MECOM: variants seen among roughly 807,000 people sequenced by gnomAD.
MECOM encodes histone-lysine N-methyltransferase MECOM.
MECOM carries 13 observed loss-of-function variants against 116.3 expected under a neutral mutation model. The observed-to-expected ratio is 0.11, with a 90% CI of 0.07 to 0.18. The LOEUF is 0.18. Among genes scored for constraint, MECOM ranks in the 10% least tolerant of loss-of-function variants. The pLI, the probability that MECOM is intolerant of heterozygous loss-of-function variation, is 1.00. For missense variants in MECOM, 1,299 were observed against 1,509.0 expected, an observed-to-expected ratio of 0.86 and a Z score of 2.31; for synonymous variants, 528 against 535.2, an observed-to-expected ratio of 0.99 and a Z score of 0.19.
intron 8 of MECOM, among the ~76,000 whole-genome samples, chr3:169,114,669 C>G (rs147167057): frequency 6.6e-6 from 1 of 151,590 alleles, no homozygotes; most frequent in Non-Finnish European, 1.5e-5. Context: ...TTATTCATAC[C>G]CATTTAAAGA....
At chr3:169,154,667 A>T (rs1208209826) in intron 2 of MECOM, among the ~76,000 whole-genome samples, 2 of 152,148 alleles carry the variant, frequency 1.3e-5, no homozygotes, top group East Asian at 3.9e-4. Flanking sequence ...GTATAAATTC[A>T]TTCCATTTTT....
At chr3:169,347,542 G>A (rs1373830901) in intron 2 of MECOM, among the ~76,000 whole-genome samples, 4 of 151,970 alleles carry the variant, frequency 2.6e-5, no homozygotes, top group African/African-American at 9.7e-5. Context: ...CTATATGCAT[G>A]TGTTTCTTTC....
At chr3:169,302,306 C>T (rs1033263772) in intron 2 of MECOM, among the ~76,000 whole-genome samples, 1 of 152,176 alleles carries the variant, frequency 6.6e-6, no homozygotes, top group African/African-American at 2.4e-5. Context: ...TGCCAATGCT[C>T]CAGGGCAGGC....
At chr3:169,469,842 A>AATTTTTCCTT (rs1301768458) in intron 1 of MECOM, among the ~76,000 whole-genome samples, 1 of 152,184 alleles carries the variant, frequency 6.6e-6, no homozygotes, top group Admixed American at 6.5e-5. Flanking sequence ...TTTCTCTATT[A>AATTTTTCCTT]ATTGGCTTCC....
At chr3:169,387,121 T>G (rs1395503102) in intron 1 of MECOM, among the ~76,000 whole-genome samples, 2 of 152,198 alleles carry the variant, frequency 1.3e-5, no homozygotes, top group Admixed American at 1.3e-4. Flanking sequence ...ATATGTCTTT[T>G]GTGATTTTTA....
chr3:169,178,714 T>C (rs942970671), intron 2 of MECOM, among the ~76,000 whole-genome samples: 1 of 152,228 alleles, frequency 6.6e-6, no homozygotes, highest in Non-Finnish European at 1.5e-5. Flanking sequence ...TCTTTTCCTC[T>C]GTATTACTTA....
intron 2 of MECOM, among the ~76,000 whole-genome samples, chr3:169,319,211 G>A (rs1423381744): frequency 2.0e-5 from 3 of 152,100 alleles, no homozygotes; most frequent in East Asian, 1.9e-4. Context: ...TAAAGAAAAT[G>A]TGGTACATAT....
intron 1 of MECOM, among the ~76,000 whole-genome samples, chr3:169,659,338 C>T (rs1393405903): frequency 1.3e-5 from 2 of 149,422 alleles, no homozygotes; most frequent in Non-Finnish European, 3.0e-5. Context: ...AGAAGCCTTG[C>T]TTTTTAGCCT....
rs189885893 is a variant in MECOM at position 169,475,636 on chromosome 3, G to A, written c.38-94112C>T. 5.1e-3 allele frequency among the ~76,000 whole-genome samples: 767 copies of A among 151,762 alleles called. 2 individuals are homozygous for A. The highest frequency in any genetic ancestry group is 7.4e-3 in the Non-Finnish European group (506 of 67,950). The stretch of plus-strand genomic sequence containing the variant: ...CTTAAATCGGGTAGAAAAGAAAGAC[G>A]CAATCATTCCTTAAATGCATATTTA... On this transcript the variant is annotated intron_variant, in intron 1 of 16. Coordinates refer to ENST00000651503, the MANE Select transcript of MECOM (RefSeq NM_004991.4).
At chr3:169,213,547 A>C (rs1751056124) in intron 2 of MECOM, among the ~76,000 whole-genome samples, 1 of 152,152 alleles carries the variant, frequency 6.6e-6, no homozygotes. Context: ...AAAGAGGGAC[A>C]CACCTAAATA....
intron 7 of MECOM, among the ~76,000 whole-genome samples, chr3:169,120,467 C>T (rs2149110505): frequency 6.6e-6 from 1 of 152,238 alleles, no homozygotes; most frequent in South Asian, 2.1e-4. Flanking sequence ...AACAGCATGT[C>T]CAGCATCTAA....
intron 1 of MECOM, among the ~76,000 whole-genome samples, chr3:169,426,506 C>T (rs1034365852): frequency 1.3e-5 from 2 of 152,180 alleles, no homozygotes; most frequent in Admixed American, 1.3e-4. Flanking sequence ...CTGGAGCATC[C>T]AAACATGGTG....
chr3:169,139,397 G>GTTTGAATTACAT (rs68193312), intron 3 of MECOM, among the ~76,000 whole-genome samples: 1 of 151,724 alleles, frequency 6.6e-6, no homozygotes, highest in African/African-American at 2.4e-5. Flanking sequence ...CAGGCCAGGA[G>GTTTGAATTACAT]TGTGTTCCTT....
chr3:169,391,112 A>G (rs1734128011), intron 1 of MECOM, among the ~76,000 whole-genome samples: 2 of 152,198 alleles, frequency 1.3e-5, no homozygotes, highest in South Asian at 4.1e-4. Context: ...GTCTGGCAGA[A>G]GAGGGAGTTG....
chr3:169,320,040 A>G (rs1400325175), intron 2 of MECOM, among the ~76,000 whole-genome samples: 1 of 152,222 alleles, frequency 6.6e-6, no homozygotes, highest in Non-Finnish European at 1.5e-5. Flanking sequence ...TAGAGATAAG[A>G]CGATTGTCTA....
intron 2 of MECOM, among the ~76,000 whole-genome samples, chr3:169,368,280 T>C (rs950873870): frequency 1.3e-5 from 2 of 152,062 alleles, no homozygotes; most frequent in African/African-American, 4.8e-5. Flanking sequence ...ATAGTATTTA[T>C]CTACTGAATT....
intron 1 of MECOM, among the ~76,000 whole-genome samples, chr3:169,475,974 C>A (rs1044732094): frequency 2.0e-5 from 3 of 152,108 alleles, no homozygotes; most frequent in African/African-American, 7.2e-5. Flanking sequence ...CTAAATATGG[C>A]TAAAGTGAAT....
At chr3:169,369,511 TA>T (rs201090364) in intron 2 of MECOM, among the ~76,000 whole-genome samples, 5,759 of 151,722 alleles carry the variant, frequency 0.038, 148 homozygotes, top group Non-Finnish European at 0.058. Flanking sequence ...CATGCCAGCC[TA>T]ATTTTTAATT....
intron 2 of MECOM, among the ~76,000 whole-genome samples, chr3:169,233,169 TG>T (rs1313937400): frequency 6.6e-6 from 1 of 152,180 alleles, no homozygotes; most frequent in Non-Finnish European, 1.5e-5. Context: ...TGGGGCAGCC[TG>T]GAACTGCCTT....
Sources: allele counts gnomAD v4.1 joint callset (sites outside exome capture counted in the v4.1 genomes callset), GRCh38; gene constraint gnomAD v4.1.1; transcripts MANE v1.5; gene names NCBI Gene and HGNC (gene_info 2026-07-23, HGNC 2026-07-21).